Variants in CPEB2 observed in about 807,000 individuals in gnomAD.
CPEB2 encodes the protein cytoplasmic polyadenylation element binding protein 2, also known as cytoplasmic polyadenylation element-binding protein 2.
CPEB2 carries 56 observed loss-of-function variants against 93.6 expected under a neutral mutation model. The ratio of observed to expected loss-of-function variants is 0.60; its 90% CI spans 0.48 to 0.75. The LOEUF (loss-of-function observed/expected upper bound fraction) is 0.75. Ranked by LOEUF, CPEB2 falls within the 30% of genes least tolerant of loss-of-function variation. The pLI is 0.00. For missense variants in CPEB2, 1,579 were observed against 1,395.1 expected (o/e 1.13, Z -2.10); for synonymous variants, 764 against 586.3 (o/e 1.30, Z -4.38).
intron 11 of CPEB2, among the ~76,000 whole-genome samples, chr4:15,065,050 T>A (rs1729573850): frequency 6.6e-6 from 1 of 152,092 alleles, no homozygotes; most frequent in South Asian, 2.1e-4. Flanking sequence ...CTAATCCTAA[T>A]CAATGAAATA....
At chr4:15,065,787 G>A (rs925576256) in intron 11 of CPEB2, among the ~76,000 whole-genome samples, 1 of 152,056 alleles carries the variant, frequency 6.6e-6, no homozygotes, top group African/African-American at 2.4e-5. Context: ...GTGGCTGTTC[G>A]GGTTCTGCCA....
At position 15,003,534 on chromosome 4, in the gene CPEB2, C is replaced by T. The variant is rs1170121951; in HGVS notation, c.861C>T (p.Ala287=). 1.4e-6 allele frequency: 2 copies of T among 1,450,046 alleles called. No individual in the cohort carries two copies. Among genetic ancestry groups the T allele is most frequent in the Non-Finnish European group, 1.8e-6 (2 of 1,103,472 alleles). The allele number at this position is 1,450,046 out of a possible 1,614,324, so 89.8% of individuals were successfully genotyped here. Residue 287 remains alanine (A), a synonymous_variant, in exon 1 of 12, where the codon GCC becomes GCT. Coordinates refer to ENST00000538197, the MANE Select transcript of CPEB2 (RefSeq NM_001177382.2). ...GGAGSPRKTP[A]AGEGSAAESP... is the part of the protein sequence containing the mutation. The stretch of plus-strand genomic sequence containing the variant: ...CGGGCAGCCCTCGCAAGACCCCAGC[C>T]GCGGGCGAGGGCAGCGCCGCCGAGT...
intron 8 of CPEB2, among the ~76,000 whole-genome samples, chr4:15,058,131 A>C (rs914097592): frequency 6.6e-6 from 1 of 152,174 alleles, no homozygotes; most frequent in Non-Finnish European, 1.5e-5. Context: ...TCTTCTGTAA[A>C]ACAGGAATAA....
At chr4:15,037,512 T>C (rs1208628613) in intron 5 of CPEB2, among the ~76,000 whole-genome samples, 3 of 152,202 alleles carry the variant, frequency 2.0e-5, no homozygotes, top group African/African-American at 7.2e-5. Flanking sequence ...AGCCAATACA[T>C]ATGACCCTAC....
intron 6 of CPEB2, 34 bp from the exon 7 acceptor site, chr4:15,052,380 C>T (rs1225969722): frequency 3.8e-6 from 5 of 1,316,834 alleles, no homozygotes; most frequent in Admixed American, 2.8e-5. Context: ...TTTCTCAGAT[C>T]TGAGATTCAA....
chr4:15,025,330 A>G (rs1202926721), intron 4 of CPEB2, among the ~76,000 whole-genome samples: 1 of 151,922 alleles, frequency 6.6e-6, no homozygotes, highest in Non-Finnish European at 1.5e-5. Context: ...TTATTTTCCC[A>G]GTTCCTTATA....
At chr4:15,055,644 TGGTG>T (rs1728643425) in intron 8 of CPEB2, among the ~76,000 whole-genome samples, 3 of 152,314 alleles carry the variant, frequency 2.0e-5, no homozygotes, top group Admixed American at 1.3e-4. Flanking sequence ...ACTCATTGGA[TGGTG>T]CTATTCCTTA....
chr4:15,003,359 A>C lies in CPEB2; in HGVS notation c.686A>C (p.Gln229Pro). ...CCGGCGCAGCTCGCTCAGCGCCAGC[A>C]GCAACAGCCGCCGCAGCAGTTCAGC... ...LQPAQLAQRQ[Q>P]QQPPQQFSLL... is the part of the protein sequence containing the mutation. Residue 229 changes from glutamine (Q) to proline (P), a missense_variant, in exon 1 of 12, where the codon CAG (glutamine) becomes CCG (proline). Physicochemically the swap from Gln to Pro is moderately conservative, Grantham distance 76. Transcript: ENST00000538197. The C allele has an allele frequency of 7.2e-7, 1 of 1,388,024 alleles. No individual in the cohort carries two copies. Among genetic ancestry groups the C allele is most frequent in the South Asian group, 1.7e-5 (1 of 58,808 alleles). 86.0% of individuals were successfully genotyped at this position (1,388,024 alleles called of 1,614,324 possible). A position where few individuals can be genotyped will look rare whatever the true frequency, so the allele number is the denominator to read the frequency against.
intron 11 of CPEB2, chr4:15,063,901 T>A (rs1247869498): frequency 6.6e-6 from 1 of 152,134 alleles, no homozygotes; most frequent in Admixed American, 6.6e-5. Flanking sequence ...TGAACTGTAT[T>A]TGAAAGAATT....
At chr4:15,008,834 G>A (rs773348216) in intron 3 of CPEB2, among the ~76,000 whole-genome samples, 1 of 152,076 alleles carries the variant, frequency 6.6e-6, no homozygotes, top group Non-Finnish European at 1.5e-5. Context: ...TTGTCATGAA[G>A]TCTGTATTTG....
intron 11 of CPEB2, 69 bp from the exon 12 acceptor site, chr4:15,066,083 AT>A: frequency 7.5e-7 from 1 of 1,339,434 alleles, no homozygotes; most frequent in Non-Finnish European, 1.1e-6. Context: ...GCTGTAGAAC[AT>A]TTTAAGTTAT....
At chr4:15,007,858 C>T (rs1218241874) in intron 2 of CPEB2, among the ~76,000 whole-genome samples, 2 of 152,166 alleles carry the variant, frequency 1.3e-5, no homozygotes, top group Non-Finnish European at 2.9e-5. Flanking sequence ...TTTCAATTAG[C>T]AGCTCTTTAA....
At chr4:15,011,969 T>TAGTC (rs3033761) in intron 3 of CPEB2, among the ~76,000 whole-genome samples, 110,208 of 151,720 alleles carry the variant, frequency 0.73, 40,858 homozygotes, top group East Asian at 0.95. Flanking sequence ...TAATCTTTAA[T>TAGTC]AGGCTGTTAT....
Position 15,002,617 on chromosome 4 carries a change from T to C in CPEB2, c.-57T>C. 1.4e-6 allele frequency: 2 copies of C among 1,394,780 alleles called. No homozygotes were observed. The highest frequency in any genetic ancestry group is 1.9e-6 in the Non-Finnish European group (2 of 1,063,376). 86.4% of individuals were successfully genotyped at this position (1,394,780 alleles called of 1,614,324 possible). On this transcript the variant is annotated 5_prime_UTR_variant, in exon 1 of 12. Transcript: ENST00000538197. ...GCCGCGCAACCCCAGCGCCGGCGGCTTCCTAGGTGGGGCAGGGGACGAGGA... is the reference window on the plus strand; with the variant it reads ...GCCGCGCAACCCCAGCGCCGGCGGCCTCCTAGGTGGGGCAGGGGACGAGGA...
At chr4:15,014,030 T>A (rs1396151024) in intron 3 of CPEB2, among the ~76,000 whole-genome samples, 1 of 152,086 alleles carries the variant, frequency 6.6e-6, no homozygotes, top group Non-Finnish European at 1.5e-5. Context: ...ATAGTTAGTT[T>A]AAGGATGTTT....
rs1431216545 is a variant in CPEB2 at position 15,058,489 on chromosome 4, G to A, written c.2530G>A (p.Asp844Asn). The part of the protein sequence containing the change: ...QALIDACIEE[D>N]GKLYLCVSSP... Reference sequence around the variant, plus strand: ...ACTCATTGATGCTTGTATTGAAGAAGATGGAAAACTCTATCTGTGTGTTTC... The same window carrying A: ...ACTCATTGATGCTTGTATTGAAGAAAATGGAAAACTCTATCTGTGTGTTTC... The change falls in exon 9 of 12, where the codon GAT becomes AAT. Residue 844 changes from aspartate (D) to asparagine (N), a missense_variant. Asp to Asn is a conservative substitution (Grantham distance 23). Transcript: ENST00000538197. 4.3e-6 allele frequency: 7 copies of A among 1,612,978 alleles called. No homozygotes were observed. The highest frequency in any genetic ancestry group is 5.9e-6 in the Non-Finnish European group (7 of 1,179,148).
chr4:15,040,333 T>A (rs1035084852), intron 5 of CPEB2, 131 bp from the exon 6 acceptor site: 13 of 729,102 alleles, frequency 1.8e-5, no homozygotes, highest in Non-Finnish European at 2.5e-5. Flanking sequence ...ATGGTGACAT[T>A]GTCATTGCTC....
intron 4 of CPEB2, among the ~76,000 whole-genome samples, chr4:15,020,817 C>G (rs1294581083): frequency 6.6e-6 from 1 of 152,054 alleles, no homozygotes; most frequent in East Asian, 1.9e-4. Context: ...ATTCCTTATA[C>G]AAATACAATA....
chr4:15,021,447 G>C (rs1316691106), intron 4 of CPEB2, among the ~76,000 whole-genome samples: 1 of 152,002 alleles, frequency 6.6e-6, no homozygotes, highest in East Asian at 1.9e-4. Context: ...TTTAACAAAA[G>C]AACAAGACAG....
Sources: gnomAD v4.1 joint callset for allele counts (sites outside exome capture counted in the v4.1 genomes callset) on GRCh38, gnomAD v4.1.1 for gene constraint, MANE v1.5 for transcripts, NCBI Gene and HGNC (gene_info 2026-07-23, HGNC 2026-07-21) for gene names.